Variants in ZC4H2 observed in about 807,000 individuals in gnomAD.
ZC4H2 encodes zinc finger C4H2-type containing, also known as zinc finger C4H2 domain-containing protein.
For synonymous variants in ZC4H2, 84 were observed against 66.3 expected (o/e 1.27, Z -1.30); for missense variants, 137 against 173.9 (o/e 0.79, Z 1.19).
intron 1 of ZC4H2, among the ~76,000 whole-genome samples, chrX:64,985,369 T>G (rs941321305): frequency 7.1e-5 from 8 of 111,996 alleles, no homozygotes; most frequent in Non-Finnish European, 1.5e-4. Context: ...GACTTTTTAT[T>G]AAAAGCCATC....
chrX:64,970,659 C>T (rs928273131), intron 1 of ZC4H2, among the ~76,000 whole-genome samples: 2 of 111,602 alleles, frequency 1.8e-5, no homozygotes, highest in African/African-American at 6.5e-5. Flanking sequence ...GACTGGGGAA[C>T]TCGAGAAGGT....
At chrX:64,939,490 T>C (rs1231035516) in intron 1 of ZC4H2, among the ~76,000 whole-genome samples, 32 of 112,208 alleles carry the variant, frequency 2.9e-4, no homozygotes, top group African/African-American at 1.0e-3. Flanking sequence ...AAGACACTCC[T>C]AAGCAAAAAG....
chrX:64,950,610 C>A (rs1033351336), intron 1 of ZC4H2, among the ~76,000 whole-genome samples: 16 of 110,552 alleles, frequency 1.4e-4, no homozygotes, highest in African/African-American at 4.9e-4. Context: ...AAATGACCTT[C>A]TTTGTCTCTT....
Position 64,928,534 on chromosome X carries a change from T to C in ZC4H2, c.54-6546A>G, listed in dbSNP as rs574955618. ...TGTTTTGGTTACTGCAGACTTGTAG[T>C]ATAGTATAGTGATGTTAAGCGGGTT... On this transcript the variant is annotated intron_variant, in intron 1 of 4. Coordinates refer to ENST00000374839, the MANE Select transcript of ZC4H2 (RefSeq NM_018684.4). Among the ~76,000 whole-genome samples, 69 of 111,827 alleles carry C rather than the reference T, an allele frequency of 6.2e-4. No individual in the cohort carries two copies. In the South Asian group the frequency reaches 0.026, roughly 42 times the overall value.
chrX:65,002,631 G>T (rs1387938400), intron 1 of ZC4H2, among the ~76,000 whole-genome samples: 1 of 111,556 alleles, frequency 9.0e-6, no homozygotes, highest in Non-Finnish European at 1.9e-5. Flanking sequence ...GGGAAATGTG[G>T]GGAAAAGATA....
In ZC4H2 at chrX:64,933,687, T is replaced by TACCA. The variant is rs1366575991; in HGVS notation, c.54-11700_54-11699insTGGT. Among the ~76,000 whole-genome samples, 4 of 111,388 alleles carry TACCA rather than the reference T, an allele frequency of 3.6e-5. No individual in the cohort carries two copies. The East Asian group carries it at 1.1e-3, about 31-fold the overall frequency. On this transcript the variant is annotated intron_variant, in intron 1 of 4. Transcript: ENST00000374839. The stretch of plus-strand genomic sequence containing the variant: ...CCAGATGATGGTTTTAGTAGTTAAG[T>TACCA]TCTTGGTGTGTGGGCAAGTTCACTG...
Position 65,002,473 on chromosome X carries a change from C to T in ZC4H2, c.-272+32156G>A, listed in dbSNP as rs374835409. ...GCCTCCGCCCAGCTGCCGCCCCATC[C>T]GGGAGGTGGGGGGCACCTCTGCCCG... On this transcript the variant is annotated intron_variant, in intron 1 of 4. Coordinates refer to the ZC4H2 transcript ENST00000337990. Among the ~76,000 whole-genome samples, 23 of 109,593 alleles carry T rather than the reference C, an allele frequency of 2.1e-4. No individual in the cohort carries two copies. The East Asian group carries it at 4.2e-3, about 20-fold the overall frequency.
At chrX:65,021,414 A>G (rs1471691278) in intron 1 of ZC4H2, among the ~76,000 whole-genome samples, 1 of 111,306 alleles carries the variant, frequency 9.0e-6, no homozygotes, top group Non-Finnish European at 1.9e-5. Context: ...CCTGCTCCTG[A>G]ATGACTATTG....
intron 1 of ZC4H2, among the ~76,000 whole-genome samples, chrX:64,996,833 C>A (rs1356558108): frequency 9.0e-6 from 1 of 110,498 alleles, no homozygotes; most frequent in Non-Finnish European, 1.9e-5. Context: ...GTGAATAGAG[C>A]CTAAGGGACC....
intron 1 of ZC4H2, among the ~76,000 whole-genome samples, chrX:64,991,496 A>C (rs755725854): frequency 8.9e-6 from 1 of 111,854 alleles, no homozygotes; most frequent in South Asian, 3.8e-4. Context: ...GGAGTGTTTG[A>C]ACCTAGAAGT....
chrX:65,016,035 A>G (rs1932795120), intron 1 of ZC4H2, among the ~76,000 whole-genome samples: 1 of 112,071 alleles, frequency 8.9e-6, no homozygotes, highest in South Asian at 3.7e-4. Context: ...CTCTCCTTGC[A>G]AGGCAGCTAG....
intron 1 of ZC4H2, among the ~76,000 whole-genome samples, chrX:64,992,714 C>T (rs1001141328): frequency 9.0e-6 from 1 of 111,391 alleles, no homozygotes; most frequent in Admixed American, 9.6e-5. Context: ...GTGGTTGATA[C>T]CGCCAAGTTC....
intron 1 of ZC4H2, among the ~76,000 whole-genome samples, chrX:64,956,000 C>T (rs188440397): frequency 6.0e-4 from 67 of 111,505 alleles, no homozygotes; most frequent in African/African-American, 2.1e-3. Flanking sequence ...GATCTTTCTT[C>T]CTTGGTTTGG....
At chrX:64,947,408 G>T (rs1052981078) in intron 1 of ZC4H2, among the ~76,000 whole-genome samples, 1 of 111,984 alleles carries the variant, frequency 8.9e-6, no homozygotes, top group Middle Eastern at 4.6e-3. Context: ...TTTATCAAAT[G>T]TTGATAGAGG....
chrX:65,012,701 C>T (rs1932767344), intron 1 of ZC4H2, among the ~76,000 whole-genome samples: 1 of 111,803 alleles, frequency 8.9e-6, no homozygotes, highest in Non-Finnish European at 1.9e-5. Context: ...ACAATTCCAA[C>T]TACAGTGGCT....
intron 1 of ZC4H2, among the ~76,000 whole-genome samples, chrX:64,969,660 C>T (rs995205227): frequency 3.6e-5 from 4 of 111,874 alleles, no homozygotes; most frequent in Non-Finnish European, 5.6e-5. Context: ...TCAGGCCCCA[C>T]TCCATATCTA....
At chrX:64,995,228 T>G (rs1932388888) in intron 1 of ZC4H2, among the ~76,000 whole-genome samples, 1 of 111,378 alleles carries the variant, frequency 9.0e-6, no homozygotes, top group African/African-American at 3.3e-5. Flanking sequence ...CAGAATCAAC[T>G]TCATCAGGCT....
At position 65,021,725 on chromosome X, in the gene ZC4H2, A is replaced by G. The variant is rs143355120; in HGVS notation, c.-272+12904T>C. Among the ~76,000 whole-genome samples, 326 of 111,333 alleles carry G rather than the reference A, an allele frequency of 2.9e-3. 18 individuals carry two copies. Among genetic ancestry groups the G allele is most frequent in the African/African-American group, 0.01 (313 of 30,119 alleles). Reference sequence around the variant, plus strand: ...ACATGAAAAACCCTTCAAAAAATCAATGAATCCAGGAGTTGGTTTTTTGAA... The same window carrying G: ...ACATGAAAAACCCTTCAAAAAATCAGTGAATCCAGGAGTTGGTTTTTTGAA... On this transcript the variant is annotated intron_variant, in intron 1 of 4. Transcript: ENST00000337990.
chrX:64,922,231 T>C (rs1929229733), intron 1 of ZC4H2: 1 of 410,086 alleles, frequency 2.4e-6, no homozygotes, highest in Non-Finnish European at 3.4e-6. Context: ...GGCAACATAG[T>C]GAGACCTTAT....
Sources: gnomAD v4.1 joint callset for allele counts (sites outside exome capture counted in the v4.1 genomes callset) on GRCh38, gnomAD v4.1.1 for gene constraint, MANE v1.5 for transcripts, NCBI Gene and HGNC (gene_info 2026-07-23, HGNC 2026-07-21) for gene names.